Variants in DUSP10 observed in about 807,000 individuals in gnomAD.
DUSP10 encodes the protein dual specificity protein phosphatase 10.
DUSP10 carries 14 observed loss-of-function variants against 30.8 expected under a neutral mutation model. The ratio of observed to expected loss-of-function variants is 0.46; its 90% confidence interval spans 0.30 to 0.71. The LOEUF is 0.71. Ranked by LOEUF, DUSP10 falls within the 30% of genes least tolerant of loss-of-function variation. The probability of loss-of-function intolerance (pLI) is 0.08; values close to 1 mark genes in which losing one functional copy is unlikely to be tolerated. For synonymous variants in DUSP10, 254 were observed against 250.4 expected, an observed-to-expected ratio of 1.01 and a Z score of -0.14; for missense variants, 550 against 619.4, an observed-to-expected ratio of 0.89 and a Z score of 1.19.
At chr1:221,717,757 A>G (rs1661150841) in intron 2 of DUSP10, among the ~76,000 whole-genome samples, 2 of 152,158 alleles carry the variant, frequency 1.3e-5, no homozygotes, top group Non-Finnish European at 2.9e-5. Context: ...GGGCACAGCA[A>G]GAAGACAGCT....
At chr1:221,708,294 T>C (rs966049324) in intron 2 of DUSP10, among the ~76,000 whole-genome samples, 1 of 152,216 alleles carries the variant, frequency 6.6e-6, no homozygotes, top group South Asian at 2.1e-4. Flanking sequence ...GCCTGGCATA[T>C]GTTCTTCTCC....
chr1:221,711,446 G>A (rs1227267515), intron 2 of DUSP10, among the ~76,000 whole-genome samples: 1 of 152,194 alleles, frequency 6.6e-6, no homozygotes. Flanking sequence ...AAGACCAGGG[G>A]GAGGGGTGTA....
chr1:221,722,197 C>T (rs1023272418), intron 2 of DUSP10, among the ~76,000 whole-genome samples: 9 of 152,218 alleles, frequency 5.9e-5, no homozygotes, highest in South Asian at 4.1e-4. Flanking sequence ...AGGGCTGTTA[C>T]AGCCCTAGAT....
At position 221,702,773 on chromosome 1, in the gene DUSP10, G is replaced by T; in HGVS notation, c.1184-96C>A. ...TCTCAACTTTGCAATGCCTTATTTT[G>T]TATAGAAATAATGAATTAAAACAGT... is the stretch of plus-strand genomic sequence containing the variant. On this transcript the variant is annotated intron_variant, in intron 3 of 3. Coordinates refer to ENST00000366899, the MANE Select transcript of DUSP10 (RefSeq NM_007207.6). The surrounding 1 kb of genome is among the most constrained non-coding windows in gnomAD (Gnocchi z 4.5). 1 of 1,279,526 alleles carries T rather than the reference G, an allele frequency of 7.8e-7. No individual in the cohort carries two copies. The highest frequency in any genetic ancestry group is 1.1e-6 in the Non-Finnish European group (1 of 928,056). 79.3% of individuals were successfully genotyped at this position (1,279,526 alleles called of 1,614,324 possible).
At chr1:221,727,978 C>T (rs185949071) in intron 2 of DUSP10, among the ~76,000 whole-genome samples, 1 of 152,302 alleles carries the variant, frequency 6.6e-6, no homozygotes, top group East Asian at 1.9e-4. Flanking sequence ...GAGATTAGGT[C>T]ATGAGGGCTC....
Position 221,702,453 on chromosome 1 carries a change from T to A in DUSP10, c.1408A>T (p.Ile470Phe). The change falls in exon 4 of 4, where the codon ATC (isoleucine) becomes TTC (phenylalanine). Residue 470 changes from isoleucine to phenylalanine, a missense_variant. Ile to Phe is a conservative substitution (Grantham distance 21). Coordinates refer to ENST00000366899, the MANE Select transcript of DUSP10 (RefSeq NM_007207.6). This position sits in a 1 kb window ranked among gnomAD's most constrained non-coding sequence, Gnocchi z 4.5. The stretch of plus-strand genomic sequence containing the variant: ...ACGCCCATCAGCTTTGGTGTAAGGA[T>A]TCTCGGTGTCACACCGTTGTTTAGG... ...EDLNNGVTPR[I>F]LTPKLMGVET... is the part of the protein sequence containing the mutation. 1 of 1,614,172 alleles carries A rather than the reference T, an allele frequency of 6.2e-7. No individual in the cohort carries two copies. The highest frequency in any genetic ancestry group is 1.1e-5 in the South Asian group (1 of 91,074).
chr1:221,741,191 G>A (rs1485574373), intron 1 of DUSP10, among the ~76,000 whole-genome samples: 2 of 152,200 alleles, frequency 1.3e-5, no homozygotes, highest in Non-Finnish European at 2.9e-5. Context: ...TGGGAGCGAA[G>A]GAGTCAACCC....
At chr1:221,718,961 C>G (rs1226600887) in intron 2 of DUSP10, among the ~76,000 whole-genome samples, 1 of 152,170 alleles carries the variant, frequency 6.6e-6, no homozygotes, top group Admixed American at 6.5e-5. Flanking sequence ...TGGGGGAAAG[C>G]AGTAAGCAAG....
chr1:221,725,016 A>C (rs1360487266), intron 2 of DUSP10, among the ~76,000 whole-genome samples: 1 of 152,198 alleles, frequency 6.6e-6, no homozygotes, highest in Non-Finnish European at 1.5e-5. Flanking sequence ...GCGCAGATAC[A>C]TGGGGATGCC....
chr1:221,708,083 C>T (rs148655665), intron 2 of DUSP10, among the ~76,000 whole-genome samples: 98 of 152,308 alleles, frequency 6.4e-4, no homozygotes, highest in South Asian at 1.0e-3. Context: ...TAGATACACT[C>T]TGGCTTTCCC....
intron 2 of DUSP10, among the ~76,000 whole-genome samples, chr1:221,708,056 C>A (rs1245847208): frequency 6.6e-6 from 1 of 152,134 alleles, no homozygotes; most frequent in African/African-American, 2.4e-5. Flanking sequence ...TGAGCTCTAA[C>A]CCTACTCAAA....
At chr1:221,723,821 G>T (rs1661344935) in intron 2 of DUSP10, among the ~76,000 whole-genome samples, 1 of 152,154 alleles carries the variant, frequency 6.6e-6, no homozygotes, top group Non-Finnish European at 1.5e-5. Context: ...ACTGAGCTTT[G>T]GTGTCCAGAG....
At chr1:221,705,521 T>G (rs1377401731) in intron 3 of DUSP10, among the ~76,000 whole-genome samples, 1 of 152,204 alleles carries the variant, frequency 6.6e-6, no homozygotes, top group African/African-American at 2.4e-5. Context: ...TTGCTAAAAC[T>G]TCCTCCTTGG....
At chr1:221,723,179 C>G (rs759094974) in intron 2 of DUSP10, among the ~76,000 whole-genome samples, 7 of 152,174 alleles carry the variant, frequency 4.6e-5, no homozygotes, top group Non-Finnish European at 8.8e-5. Context: ...CCAGAGATTA[C>G]AGCCTGAAGG....
At chr1:221,729,595 A>T (rs980018340) in intron 2 of DUSP10, among the ~76,000 whole-genome samples, 1 of 152,228 alleles carries the variant, frequency 6.6e-6, no homozygotes, top group Admixed American at 6.5e-5. Flanking sequence ...AGAACTAAAT[A>T]AGACACATAT....
intron 2 of DUSP10, among the ~76,000 whole-genome samples, chr1:221,726,694 T>G: frequency 7.1e-6 from 1 of 141,520 alleles, no homozygotes; most frequent in East Asian, 2.0e-4. Context: ...AGCACAGCAC[T>G]ATTTCAGGAA....
chr1:221,736,967 C>A (rs984221470), intron 2 of DUSP10: 38 of 985,378 alleles, frequency 3.9e-5, no homozygotes, highest in Non-Finnish European at 4.3e-5. Context: ...CTGCCCCGCC[C>A]CATTGAGGCA....
At chr1:221,730,644 G>A (rs1661561285) in intron 2 of DUSP10, among the ~76,000 whole-genome samples, 1 of 152,140 alleles carries the variant, frequency 6.6e-6, no homozygotes, top group Non-Finnish European at 1.5e-5. Flanking sequence ...TCTCTACTTT[G>A]CCAGATTCAG....
intron 2 of DUSP10, among the ~76,000 whole-genome samples, chr1:221,714,368 A>G (rs1661030877): frequency 1.3e-5 from 2 of 152,296 alleles, no homozygotes; most frequent in South Asian, 4.1e-4. Flanking sequence ...GCAGACACAG[A>G]CAAGCAAACT....
Sources: gnomAD v4.1 joint callset for allele counts (sites outside exome capture counted in the v4.1 genomes callset) on GRCh38, gnomAD v4.1.1 for gene constraint, Gnocchi (gnomAD v3.1) non-coding constraint, MANE v1.5 for transcripts, NCBI Gene and HGNC (gene_info 2026-07-23, HGNC 2026-07-21) for gene names.